The following PKD1L3 variants were observed in gnomAD, a reference collection of about 807,000 sequenced individuals.
The protein encoded by PKD1L3 is polycystin-1-like protein 3.
A neutral mutation model predicts 184.1 loss-of-function variants in PKD1L3; 239 were observed. That is an observed-to-expected ratio of 1.30 (90% CI 1.17 to 1.45). The LOEUF is 1.45. PKD1L3 is among the 40% of genes most tolerant of loss of function. PKD1L3 has a pLI of 0.00. For missense variants in PKD1L3, 2,660 were observed against 2,067.2 expected, an observed-to-expected ratio of 1.29 and a Z score of -5.56; for synonymous variants, 996 against 778.8, an observed-to-expected ratio of 1.28 and a Z score of -4.64.
At chr16:71,997,421 C>T (rs1019579879) in intron 2 of PKD1L3, among the ~76,000 whole-genome samples, 2 of 140,378 alleles carry the variant, frequency 1.4e-5, no homozygotes, top group Non-Finnish European at 3.1e-5. Flanking sequence ...ACCCCCCCCC[C>T]CACAACCACT....
At chr16:71,973,902 T>C (rs1351386497) in intron 11 of PKD1L3, among the ~76,000 whole-genome samples, 1 of 151,786 alleles carries the variant, frequency 6.6e-6, no homozygotes, top group Non-Finnish European at 1.5e-5. Context: ...CTCAGGAGGC[T>C]GAGGCAGGAA....
intron 4 of PKD1L3, among the ~76,000 whole-genome samples, chr16:71,988,764 T>C (rs536112002): frequency 6.6e-6 from 1 of 152,304 alleles, no homozygotes; most frequent in Non-Finnish European, 1.5e-5. Context: ...AAGTTTTATG[T>C]GGCACAGGAG....
chr16:71,997,427 C>T (rs2040831675), intron 2 of PKD1L3, among the ~76,000 whole-genome samples: 1 of 149,602 alleles, frequency 6.7e-6, no homozygotes, highest in Admixed American at 6.7e-5. Context: ...CCCCCCACAA[C>T]CACTCCCCAC....
chr16:71,933,135 C>A (rs528166594), intron 28 of PKD1L3, among the ~76,000 whole-genome samples: 1 of 152,036 alleles, frequency 6.6e-6, no homozygotes, highest in Non-Finnish European at 1.5e-5. Flanking sequence ...TCTGGCCAAG[C>A]ACAAGAGCAC....
intron 1 of PKD1L3, among the ~76,000 whole-genome samples, chr16:71,999,408 G>A (rs1386154742): frequency 6.6e-6 from 1 of 152,168 alleles, no homozygotes; most frequent in Non-Finnish European, 1.5e-5. Flanking sequence ...GACCATCAAA[G>A]TTTCTGTCTT....
intron 10 of PKD1L3, 94 bp from the exon 11 acceptor site, chr16:71,977,561 T>TGCC: frequency 2.5e-6 from 1 of 392,198 alleles, no homozygotes; most frequent in Non-Finnish European, 4.0e-6. Context: ...GTCCTAGCTC[T>TGCC]TTTTTTTTTT....
chr16:71,932,093 A>G (rs911592539), intron 28 of PKD1L3, among the ~76,000 whole-genome samples: 4 of 152,210 alleles, frequency 2.6e-5, no homozygotes, highest in African/African-American at 9.7e-5. Context: ...TACCTTTCAA[A>G]TATTTTCATT....
chr16:71,973,297 G>A (rs929353694), intron 12 of PKD1L3, 27 bp downstream of exon 12: 30 of 1,547,250 alleles, frequency 1.9e-5, no homozygotes, highest in Non-Finnish European at 2.6e-5. Flanking sequence ...GCAGAAGAGA[G>A]GCCCAAGAAG....
At chr16:71,945,618 C>T (rs928115997) in intron 22 of PKD1L3, among the ~76,000 whole-genome samples, 3 of 151,452 alleles carry the variant, frequency 2.0e-5, no homozygotes, top group Non-Finnish European at 2.9e-5. Context: ...GCAGAGGTTG[C>T]AGTGAGCCGA....
chr16:71,935,534 A>AC lies in PKD1L3; in HGVS notation c.4453-17dup, dbSNP rs1407778801. 1.7e-5 allele frequency: 27 copies of AC among 1,550,110 alleles called. No individual in the cohort carries two copies. Among genetic ancestry groups the AC allele is most frequent in the Non-Finnish European group, 2.4e-5 (27 of 1,145,758 alleles). On this transcript the variant is annotated splice_polypyrimidine_tract_variant and intron_variant, in intron 25 of 29. Transcript: ENST00000620267. ...GCTGACAACCCTAAACATAGACAGC[A>AC]CAGTCACTGTTGCTTGTCTGAGAGA...
At chr16:71,974,826 A>T (rs939409071) in intron 11 of PKD1L3, among the ~76,000 whole-genome samples, 45 of 152,134 alleles carry the variant, frequency 3.0e-4, no homozygotes, top group Non-Finnish European at 5.0e-4. Flanking sequence ...CTTAGAAGTG[A>T]TTGTTCCTGT....
chr16:71,974,735 G>A (rs1019000327), intron 11 of PKD1L3, among the ~76,000 whole-genome samples: 6 of 152,202 alleles, frequency 3.9e-5, no homozygotes, highest in Admixed American at 6.5e-5. Context: ...GAAAGGGCCC[G>A]TTGGTAATTT....
At position 71,973,323 on chromosome 16, in the gene PKD1L3, C is replaced by T; in HGVS notation, c.1953+1G>A. ...GCCCAAGAAGCGGCTCAGTTTCTTA[C>T]TTGGCATCCGGCGCTGCTCCATGTC... is the stretch of plus-strand genomic sequence containing the variant. On this transcript the variant is annotated splice_donor_variant, in intron 12 of 29. Coordinates refer to ENST00000620267, the MANE Select transcript of PKD1L3 (RefSeq NM_181536.2). LOFTEE classifies it high-confidence loss of function. 6.4e-7 allele frequency: 1 copy of T among 1,551,468 alleles called. No individual in the cohort carries two copies.
chr16:71,973,409 G>A lies in PKD1L3; in HGVS notation c.1868C>T (p.Pro623Leu). 1 of 1,551,564 alleles carries A rather than the reference G, an allele frequency of 6.4e-7. No individual in the cohort carries two copies. Among genetic ancestry groups the A allele is most frequent in the Non-Finnish European group, 8.7e-7 (1 of 1,146,982 alleles). Residue 623 changes from proline (P) to leucine (L), a missense_variant, in exon 12 of 30, where the codon CCC becomes CTC. Pro to Leu is a moderately conservative substitution (Grantham distance 98). Transcript: ENST00000620267. ...GGCGGTGATGACCGAGACCAAGCTG[G>A]GTGTCTGCTGAGCACCCTCCTGCCT... is the stretch of plus-strand genomic sequence containing the variant. ...SERQEGAQQT[P>L]SLVSVITAVT...
At chr16:71,985,243 G>A (rs989208303) in intron 5 of PKD1L3, among the ~76,000 whole-genome samples, 4 of 152,056 alleles carry the variant, frequency 2.6e-5, no homozygotes, top group African/African-American at 7.2e-5. Flanking sequence ...CTGTAGGTCA[G>A]TTTCTCCCCC....
chr16:71,986,072 C>T (rs1028459812), intron 5 of PKD1L3, 149 bp downstream of exon 5: 12 of 1,041,454 alleles, frequency 1.2e-5, no homozygotes, highest in Admixed American at 1.1e-4. Flanking sequence ...TGGCTGTTTC[C>T]ATGGACTTGT....
rs929047578 is a variant in PKD1L3, at chr16:71,969,975, G to C, written c.2084C>G (p.Thr695Ser). 5 of 1,551,648 alleles carry C rather than the reference G, an allele frequency of 3.2e-6. No individual in the cohort carries two copies. The African/African-American group carries it at 6.8e-5, about 21-fold the overall frequency. Reference sequence around the variant, plus strand: ...CAGTGACACCCCAACAGGATTGTTGGTCACGCGAAGGAACAGTTTGATCGT... The same window carrying C: ...CAGTGACACCCCAACAGGATTGTTGCTCACGCGAAGGAACAGTTTGATCGT... Reference protein sequence around the residue: ...EDTIKLFLRVTNNPVGVSLLA... With the variant: ...EDTIKLFLRVSNNPVGVSLLA... The change falls in exon 13 of 30, where the codon ACC becomes AGC. Residue 695 changes from threonine (T) to serine (S), a missense_variant. Thr to Ser is a moderately conservative substitution (Grantham distance 58). Coordinates refer to ENST00000620267, the MANE Select transcript of PKD1L3 (RefSeq NM_181536.2).
intron 2 of PKD1L3, among the ~76,000 whole-genome samples, chr16:71,995,265 A>G (rs967333448): frequency 3.3e-4 from 44 of 134,880 alleles, no homozygotes; most frequent in African/African-American, 1.5e-3. Context: ...CTGTAGGCCA[A>G]CCCACCTCTT....
chr16:71,978,509 AT>A, intron 9 of PKD1L3, 126 bp from the exon 10 acceptor site: 1 of 158,836 alleles, frequency 6.3e-6, no homozygotes, highest in Non-Finnish European at 1.2e-5. Context: ...ATATATATAT[AT>A]ATATATATAT....
Sources: allele counts gnomAD v4.1 joint callset (sites outside exome capture counted in the v4.1 genomes callset), GRCh38; gene constraint gnomAD v4.1.1; transcripts MANE v1.5; gene names NCBI Gene and HGNC (gene_info 2026-07-23, HGNC 2026-07-21).